SLC18A1: variants seen among roughly 807,000 people sequenced by gnomAD.
The protein encoded by SLC18A1 is chromaffin granule amine transporter.
SLC18A1 carries 69 observed loss-of-function variants against 53.7 expected under a neutral mutation model. The observed-to-expected ratio is 1.28, with a 90% CI of 1.06 to 1.57. SLC18A1 has a LOEUF of 1.57. Among genes scored for constraint, SLC18A1 ranks in the 40% most tolerant of loss-of-function variants. The pLI is 0.00. For synonymous variants in SLC18A1, 320 were observed against 248.1 expected, an observed-to-expected ratio of 1.29 and a Z score of -2.72; for missense variants, 932 against 668.1, an observed-to-expected ratio of 1.40 and a Z score of -4.35.
intron 10 of SLC18A1, among the ~76,000 whole-genome samples, chr8:20,163,809 T>C (rs1471410797): frequency 6.6e-6 from 1 of 152,176 alleles, no homozygotes; most frequent in Non-Finnish European, 1.5e-5. Flanking sequence ...CTGTAAAAGA[T>C]GGTGGCAACT....
rs1281174403 is a variant in SLC18A1, at chr8:20,147,506, A to C, written c.1330+97T>G. The C allele has an allele frequency of 6.9e-6, 11 of 1,583,442 alleles. No individual in the cohort carries two copies. The Admixed American group carries it at 1.9e-4, about 27-fold the overall frequency. The stretch of plus-strand genomic sequence containing the variant: ...GACCCAGAGGATGTCTCAGCGTCAA[A>C]GATCTCCAGAACCCTAGGAGGATAG... On this transcript the variant is annotated intron_variant, in intron 14 of 15. Transcript: ENST00000276373.
intron 10 of SLC18A1, among the ~76,000 whole-genome samples, chr8:20,153,646 G>A (rs536905680): frequency 8.1e-4 from 121 of 149,440 alleles, no homozygotes; most frequent in Non-Finnish European, 1.2e-3. Flanking sequence ...CAGCCTGGGC[G>A]ACAGAGCAAG....
In SLC18A1 at chr8:20,176,677, C is replaced by T. The variant is rs1200092195; in HGVS notation, c.547+1758G>A. On this transcript the variant is annotated intron_variant, in intron 4 of 15. Transcript: ENST00000276373. The stretch of plus-strand genomic sequence containing the variant: ...TTTAAGTATTTTTTAGAACATTGGA[C>T]AAGGATACCCTAAACATCAAATGTA... 2.0e-5 allele frequency among the ~76,000 whole-genome samples: 3 copies of T among 152,058 alleles called. No individual in the cohort carries two copies. In the East Asian group the frequency reaches 5.8e-4, roughly 29 times the overall value.
intron 8 of SLC18A1, among the ~76,000 whole-genome samples, chr8:20,166,684 A>T (rs2071976015): frequency 6.6e-6 from 1 of 151,882 alleles, no homozygotes; most frequent in Non-Finnish European, 1.5e-5. Flanking sequence ...AAAATAAATT[A>T]TATTAGTGTT....
At chr8:20,181,981 A>G (rs2072440107) in intron 1 of SLC18A1, 1 of 152,228 alleles carries the variant, frequency 6.6e-6, no homozygotes, top group African/African-American at 2.4e-5. Flanking sequence ...GACTTTCATG[A>G]TTAGTTCTCT....
intron 8 of SLC18A1, among the ~76,000 whole-genome samples, chr8:20,169,131 C>A (rs750907863): frequency 2.1e-4 from 32 of 152,066 alleles, no homozygotes; most frequent in Non-Finnish European, 1.9e-4. Flanking sequence ...GCATTAAATA[C>A]CTCCAGACAT....
In SLC18A1 at chr8:20,174,406, C is replaced by A; in HGVS notation, c.586G>T (p.Ala196Ser). Residue 196 changes from alanine to serine, a missense_variant, in exon 5 of 16, where the codon GCC (alanine) becomes TCC (serine). Transcript: ENST00000276373. ...GATCCAATGCCTTGAAGGGTTCGGG[C>A]CACAAAGAGTAGAGTATAGGTCCCA... ...FSGTYTLLFV[A>S]RTLQGIGSSF... 6.2e-7 allele frequency: 1 copy of A among 1,613,904 alleles called. No homozygotes were observed. The highest frequency in any genetic ancestry group is 8.5e-7 in the Non-Finnish European group (1 of 1,179,914).
intron 13 of SLC18A1, 37 bp from the exon 14 acceptor site, chr8:20,147,759 C>A (rs373279058): frequency 1.6e-5 from 25 of 1,603,220 alleles, no homozygotes; most frequent in South Asian, 1.1e-5. Flanking sequence ...TCAGCCCCAC[C>A]CACAGTTAGT....
intron 4 of SLC18A1, among the ~76,000 whole-genome samples, chr8:20,177,216 A>C (rs2072273863): frequency 6.6e-6 from 1 of 152,256 alleles, no homozygotes; most frequent in Non-Finnish European, 1.5e-5. Flanking sequence ...TTCACAAACA[A>C]GACGTAGTTC....
At chr8:20,148,295 G>C (rs898125090) in intron 12 of SLC18A1, 40 of 598,380 alleles carry the variant, frequency 6.7e-5, no homozygotes, top group Non-Finnish European at 9.7e-5. Flanking sequence ...TCTATCCAGA[G>C]TTACAGATCT....
At chr8:20,149,844 C>T in intron 11 of SLC18A1, 117 bp from the exon 12 acceptor site, 2 of 856,640 alleles carry the variant, frequency 2.3e-6, no homozygotes, top group Non-Finnish European at 3.9e-6. Context: ...CCCTTAGGAC[C>T]TGAGGACAGC....
At chr8:20,175,707 A>G (rs1348977044) in intron 4 of SLC18A1, 2 of 152,116 alleles carry the variant, frequency 1.3e-5, no homozygotes, top group African/African-American at 4.8e-5. Flanking sequence ...GGTAAGAATA[A>G]TCTCCTCGAA....
chr8:20,174,317 T>C, intron 5 of SLC18A1, 44 bp downstream of exon 5: 1 of 1,291,196 alleles, frequency 7.7e-7, no homozygotes, highest in Non-Finnish European at 1.1e-6. Context: ...TGTGTGTGTG[T>C]GCATGCCTGC....
intron 12 of SLC18A1, chr8:20,148,468 C>G: frequency 7.8e-7 from 1 of 1,290,092 alleles, no homozygotes; most frequent in Non-Finnish European, 1.0e-6. Flanking sequence ...CCTCTGTTTT[C>G]CATTATGGAC....
intron 10 of SLC18A1, among the ~76,000 whole-genome samples, chr8:20,158,828 T>C (rs1329431869): frequency 1.3e-5 from 2 of 152,136 alleles, no homozygotes; most frequent in African/African-American, 4.8e-5. Flanking sequence ...ACCTTAAGGA[T>C]GCCTTTTTCT....
chr8:20,148,195 T>G (rs1287514950), intron 12 of SLC18A1, 125 bp from the exon 13 acceptor site: 1 of 816,828 alleles, frequency 1.2e-6, no homozygotes, highest in African/African-American at 1.7e-5. Flanking sequence ...ATCATCCTCC[T>G]GCACTCTCAG....
At chr8:20,160,234 A>C (rs1475838915) in intron 10 of SLC18A1, among the ~76,000 whole-genome samples, 1 of 149,168 alleles carries the variant, frequency 6.7e-6, no homozygotes, top group African/African-American at 2.5e-5. Context: ...TAAAAAAATT[A>C]AAACTACTCA....
At chr8:20,182,163 C>A (rs2072445765) in intron 1 of SLC18A1, among the ~76,000 whole-genome samples, 1 of 151,990 alleles carries the variant, frequency 6.6e-6, no homozygotes. Context: ...ATCTATCAGG[C>A]CCTAAAAATT....
At position 20,174,438 on chromosome 8, in the gene SLC18A1, G is replaced by C. The variant is rs1319111539; in HGVS notation, c.554C>G (p.Ala185Gly). The C allele has an allele frequency of 6.2e-7, 1 of 1,613,106 alleles. No homozygotes were observed. Among genetic ancestry groups the C allele is most frequent in the Non-Finnish European group, 8.5e-7 (1 of 1,179,196 alleles). Residue 185 changes from alanine to glycine, a missense_variant, in exon 5 of 16, where the codon GCT becomes GGT. Coordinates refer to ENST00000276373, the MANE Select transcript of SLC18A1 (RefSeq NM_003053.4). ...VIMFLSTVMF[A>G]FSGTYTLLFV... Reference sequence around the variant, plus strand: ...GAGTAGAGTATAGGTCCCAGAAAAAGCAAACACTGGGCAGAGAGAATAGCA... The same window carrying C: ...GAGTAGAGTATAGGTCCCAGAAAAACCAAACACTGGGCAGAGAGAATAGCA...
Sources: gnomAD v4.1 joint callset for allele counts (sites outside exome capture counted in the v4.1 genomes callset) on GRCh38, gnomAD v4.1.1 for gene constraint, MANE v1.5 for transcripts, NCBI Gene and HGNC (gene_info 2026-07-23, HGNC 2026-07-21) for gene names.